RARB: variants seen among roughly 807,000 people sequenced by gnomAD.
RARB encodes the protein HBV-activated protein.
Under a neutral mutation model 51.9 loss-of-function variants are expected in RARB, and 17 were observed. That is an observed-to-expected ratio of 0.33 (90% CI 0.22 to 0.49). RARB has a LOEUF of 0.49. RARB is among the 20% of genes least tolerant of loss of function. RARB has a pLI of 0.99. For missense variants in RARB, 369 were observed against 550.8 expected, an observed-to-expected ratio of 0.67 and a Z score of 3.30; for synonymous variants, 215 against 195.4, an observed-to-expected ratio of 1.10 and a Z score of -0.84.
At chr3:25,103,148 A>G (rs188591670) in intron 3 of RARB, among the ~76,000 whole-genome samples, 117 of 152,292 alleles carry the variant, frequency 7.7e-4, no homozygotes, top group Non-Finnish European at 1.5e-3. Context: ...TGCCAGGATC[A>G]TGAGCTTCGT....
intron 2 of RARB, among the ~76,000 whole-genome samples, chr3:25,059,249 T>C (rs981985960): frequency 9.2e-5 from 14 of 151,786 alleles, no homozygotes; most frequent in African/African-American, 3.4e-4. Flanking sequence ...GTTTCCAGTT[T>C]TTCATTTTTA....
At chr3:25,326,630 G>T (rs1704723731) in intron 5 of RARB, among the ~76,000 whole-genome samples, 1 of 152,114 alleles carries the variant, frequency 6.6e-6, no homozygotes, top group Non-Finnish European at 1.5e-5. Context: ...TACCTTGGTG[G>T]TTTCATCATT....
Position 24,850,405 on chromosome 3 carries a change from T to C in RARB, c.-458-8269T>C, listed in dbSNP as rs189549692. Among the ~76,000 whole-genome samples, 643 of 152,304 alleles carry C rather than the reference T, an allele frequency of 4.2e-3. 3 individuals carry two copies. The highest frequency in any genetic ancestry group is 7.0e-3 in the Non-Finnish European group (479 of 68,018). On this transcript the variant is annotated intron_variant, in intron 1 of 11. Transcript: ENST00000383772. ...CATATCACTTTAGCTTACATTTCAT[T>C]GGCCAAAGCAAGTCATATAGGCAAT...
chr3:25,048,897 C>G (rs543355029), intron 2 of RARB, among the ~76,000 whole-genome samples: 1 of 151,654 alleles, frequency 6.6e-6, no homozygotes, highest in Non-Finnish European at 1.5e-5. Flanking sequence ...CTGGGACTAG[C>G]GCCCGCCACT....
chr3:25,046,777 T>C (rs938064611), intron 2 of RARB, among the ~76,000 whole-genome samples: 1 of 151,974 alleles, frequency 6.6e-6, no homozygotes, highest in African/African-American at 2.4e-5. Flanking sequence ...TTTATATTAG[T>C]TAGTAGATTT....
At chr3:24,911,321 G>A (rs554977585) in intron 2 of RARB, among the ~76,000 whole-genome samples, 1 of 151,994 alleles carries the variant, frequency 6.6e-6, no homozygotes, top group Admixed American at 6.6e-5. Flanking sequence ...TAAAAGAAAG[G>A]AATTTATATA....
intron 3 of RARB, among the ~76,000 whole-genome samples, chr3:25,080,912 C>T (rs1698981244): frequency 1.3e-5 from 2 of 151,898 alleles, no homozygotes; most frequent in South Asian, 2.1e-4. Context: ...ACTTTCATTG[C>T]TTGTGCTTGT....
At chr3:25,003,513 C>T (rs931280292) in intron 2 of RARB, among the ~76,000 whole-genome samples, 1 of 152,074 alleles carries the variant, frequency 6.6e-6, no homozygotes, top group Non-Finnish European at 1.5e-5. Context: ...GATATTTCAT[C>T]TTATGACAGA....
chr3:25,433,202 A>C (rs1370509983), intron 1 of RARB, among the ~76,000 whole-genome samples: 3 of 152,166 alleles, frequency 2.0e-5, no homozygotes, highest in Non-Finnish European at 4.4e-5. Flanking sequence ...TGTATCTCTG[A>C]TTTTCTAGAA....
At chr3:25,056,822 T>C (rs1698451376) in intron 2 of RARB, among the ~76,000 whole-genome samples, 1 of 152,162 alleles carries the variant, frequency 6.6e-6, no homozygotes, top group South Asian at 2.1e-4. Context: ...AAAGACAAAC[T>C]ATCTTGATAC....
chr3:24,949,502 C>T (rs560592344), intron 2 of RARB, among the ~76,000 whole-genome samples: 2 of 152,180 alleles, frequency 1.3e-5, no homozygotes, highest in Non-Finnish European at 2.9e-5. Context: ...AATGTGATTT[C>T]ACATTTACGT....
In RARB at chr3:25,584,624, G is replaced by A. The variant is rs75999968; in HGVS notation, c.786+3902G>A. On this transcript the variant is annotated intron_variant, in intron 5 of 7. Transcript: ENST00000330688. ...GAAGTGAGTGTGCCTGGAAGGGAGT[G>A]AGCCAGCGGGGGCGAGACCTTAGAT... 2.5e-3 allele frequency among the ~76,000 whole-genome samples: 385 copies of A among 152,260 alleles called. 1 individual carries two copies. Among genetic ancestry groups the A allele is most frequent in the African/African-American group, 9.1e-3 (377 of 41,552 alleles).
In RARB at chr3:24,925,655, TA is replaced by T. The variant is rs34972309; in HGVS notation, c.-380+66921del. Among the ~76,000 whole-genome samples the T allele has an allele frequency of 6.5e-3, 681 of 104,766 alleles. 4 individuals are homozygous for T. Among genetic ancestry groups the T allele is most frequent in the East Asian group, 0.033 (109 of 3,328 alleles). 68.7% of individuals were successfully genotyped at this position (104,766 alleles called of 152,430 possible). On this transcript the variant is annotated intron_variant, in intron 2 of 11. Coordinates refer to the RARB transcript ENST00000383772. ...AGCCAGATCCTGTCTTTTTTTTTTT[TA>T]AAAAAAAAAAAAAAAAAGCTTATAT...
intron 5 of RARB, among the ~76,000 whole-genome samples, chr3:25,231,701 GT>G (rs1702181453): frequency 6.6e-6 from 1 of 152,116 alleles, no homozygotes; most frequent in African/African-American, 2.4e-5. Flanking sequence ...ATGGTTTCAT[GT>G]GTTTACTTGC....
chr3:24,960,284 G>A (rs568406324), intron 2 of RARB, among the ~76,000 whole-genome samples: 1 of 145,822 alleles, frequency 6.9e-6, no homozygotes, highest in South Asian at 2.3e-4. Flanking sequence ...TATGAAATTG[G>A]TGTATTCTAT....
At chr3:25,309,877 T>C (rs974664575) in intron 5 of RARB, among the ~76,000 whole-genome samples, 1 of 152,176 alleles carries the variant, frequency 6.6e-6, no homozygotes, top group Non-Finnish European at 1.5e-5. Context: ...AAGGATGGCT[T>C]CTTCCAGACT....
chr3:25,476,942 C>T (rs761105679), intron 2 of RARB, among the ~76,000 whole-genome samples: 1 of 152,156 alleles, frequency 6.6e-6, no homozygotes, highest in Non-Finnish European at 1.5e-5. Flanking sequence ...ATTCTCAGCA[C>T]CCACAGCAAA....
intron 5 of RARB, among the ~76,000 whole-genome samples, chr3:25,314,918 T>A (rs780149796): frequency 6.6e-6 from 1 of 152,176 alleles, no homozygotes; most frequent in Non-Finnish European, 1.5e-5. Flanking sequence ...AGTGTTCAGC[T>A]CCCACTTATG....
rs559314785 is a variant in RARB at position 25,063,697 on chromosome 3, G to A, written c.-328+3521G>A. ...AGGTTCAAAGGGGTCCGTAGACCTT[G>A]TAGTTTGAGACTTTTTTTTTTTTTT... On this transcript the variant is annotated intron_variant, in intron 3 of 11. Coordinates refer to the RARB transcript ENST00000383772. Among the ~76,000 whole-genome samples the A allele has an allele frequency of 4.2e-4, 63 of 150,798 alleles. 1 individual carries two copies. Among genetic ancestry groups the A allele is most frequent in the Admixed American group, 1.2e-3 (18 of 15,112 alleles).
Sources: gnomAD v4.1 joint callset for allele counts (sites outside exome capture counted in the v4.1 genomes callset) on GRCh38, gnomAD v4.1.1 for gene constraint, MANE v1.5 for transcripts, NCBI Gene and HGNC (gene_info 2026-07-23, HGNC 2026-07-21) for gene names.